The following RUBCN variants were observed in gnomAD, a reference collection of about 807,000 sequenced individuals.
RUBCN encodes the protein run domain Beclin-1-interacting and cysteine-rich domain-containing protein.
Under a neutral mutation model 113.2 loss-of-function variants are expected in RUBCN, and 74 were observed. The observed-to-expected ratio is 0.65, with a 90% CI of 0.54 to 0.79. The LOEUF (loss-of-function observed/expected upper bound fraction) is 0.79, where lower values mean the gene tolerates loss of function less well. Among genes scored for constraint, RUBCN ranks in the 30% least tolerant of loss-of-function variants. The probability of loss-of-function intolerance (pLI) is 0.00; values close to 1 mark genes in which losing one functional copy is unlikely to be tolerated. For synonymous variants in RUBCN, 480 were observed against 490.0 expected (o/e 0.98, Z 0.27); for missense variants, 1,109 against 1,251.7 (o/e 0.89, Z 1.72).
rs752681485 is a variant in RUBCN, at chr3:197,684,223, T to A, written c.1787-6A>T. On this transcript the variant is annotated splice_polypyrimidine_tract_variant and splice_region_variant and intron_variant, in intron 11 of 19. Transcript: ENST00000296343. ...GTTCCTTCTGATGTCAGCATCTACA[T>A]GGAAACCAGAGATAAGGGGAGCGCA... 4 of 1,612,714 alleles carry A rather than the reference T, an allele frequency of 2.5e-6. No homozygotes were observed. Among genetic ancestry groups the A allele is most frequent in the African/African-American group, 1.3e-5 (1 of 74,866 alleles).
chr3:197,748,814 A>T (rs1481090972), intron 1 of RUBCN, among the ~76,000 whole-genome samples: 1 of 152,260 alleles, frequency 6.6e-6, no homozygotes, highest in African/African-American at 2.4e-5. Flanking sequence ...AAAAATAGTA[A>T]ATGTGTCATT....
intron 2 of RUBCN, among the ~76,000 whole-genome samples, chr3:197,716,343 G>C (rs1560454551): frequency 6.6e-6 from 1 of 152,190 alleles, no homozygotes; most frequent in Non-Finnish European, 1.5e-5. Context: ...GGCCAGGCTG[G>C]TCTTAAACTG....
At position 197,675,435 on chromosome 3, in the gene RUBCN, G is replaced by A. The variant is rs766484533; in HGVS notation, c.2727C>T (p.Cys909=). 2 of 1,613,530 alleles carry A rather than the reference G, an allele frequency of 1.2e-6. No individual in the cohort carries two copies. The highest frequency in any genetic ancestry group is 2.2e-5 in the East Asian group (1 of 44,892). Residue 909 remains cysteine, a synonymous_variant, in exon 19 of 20, where the codon TGC becomes TGT. Transcript: ENST00000296343. The surrounding 1 kb of genome is among the most constrained non-coding windows in gnomAD (Gnocchi z 4.4). ...ACCTGCCCTCACCTTCACAGGTCCG[G>A]CACTTATGGAGCTCAAAGGGAAAGA... The part of the protein sequence containing the change: ...DIIFPFELHK[C]RTCEECKACY...
chr3:197,713,104 C>T (rs936371322), intron 2 of RUBCN, among the ~76,000 whole-genome samples: 1 of 152,172 alleles, frequency 6.6e-6, no homozygotes, highest in African/African-American at 2.4e-5. Flanking sequence ...GGTGATCTGC[C>T]CGCCTCAGTC....
At chr3:197,731,936 A>T (rs1727549994) in intron 1 of RUBCN, among the ~76,000 whole-genome samples, 1 of 152,260 alleles carries the variant, frequency 6.6e-6, no homozygotes, top group Non-Finnish European at 1.5e-5. Context: ...TCAAAAGAAA[A>T]ATTAGGAACA....
At chr3:197,730,950 C>CATCT (rs1446088210) in intron 1 of RUBCN, among the ~76,000 whole-genome samples, 52 of 119,248 alleles carry the variant, frequency 4.4e-4, no homozygotes, top group African/African-American at 1.6e-3. Flanking sequence ...CCTTAGTGAA[C>CATCT]ATCTGCTCAG....
chr3:197,703,439 C>T, intron 5 of RUBCN, 109 bp downstream of exon 5: 2 of 396,414 alleles, frequency 5.0e-6, no homozygotes, highest in Non-Finnish European at 9.4e-6. Flanking sequence ...AAAATGCAAG[C>T]CTTTCAGCTC....
chr3:197,703,046 A>AAGCCT (rs1430774742), intron 5 of RUBCN, among the ~76,000 whole-genome samples: 1 of 151,918 alleles, frequency 6.6e-6, no homozygotes, highest in Non-Finnish European at 1.5e-5. Flanking sequence ...CACACGACCT[A>AAGCCT]AGCCTAGACT....
chr3:197,686,647 A>G (rs1333472466), intron 11 of RUBCN, among the ~76,000 whole-genome samples: 2 of 152,224 alleles, frequency 1.3e-5, no homozygotes, highest in African/African-American at 4.8e-5. Flanking sequence ...AGAACTGAGG[A>G]GTGAAGAGAG....
At chr3:197,679,146 G>A (rs1283383386) in intron 16 of RUBCN, among the ~76,000 whole-genome samples, 2 of 147,672 alleles carry the variant, frequency 1.4e-5, no homozygotes, top group Non-Finnish European at 1.5e-5. Context: ...GCTTCAGACT[G>A]TCCTATGCTC....
intron 11 of RUBCN, among the ~76,000 whole-genome samples, chr3:197,687,558 C>T (rs1721987141): frequency 6.6e-6 from 1 of 152,204 alleles, no homozygotes; most frequent in Non-Finnish European, 1.5e-5. Flanking sequence ...AGGGGTTTCT[C>T]CGGCTGGCTC....
intron 2 of RUBCN, among the ~76,000 whole-genome samples, chr3:197,715,290 G>GAAAAAAA (rs35511002): frequency 8.8e-5 from 9 of 102,750 alleles, no homozygotes; most frequent in East Asian, 4.5e-4. Context: ...ACTCTATCTT[G>GAAAAAAA]AAAAAAAAAA....
At chr3:197,698,829 C>CA (rs113975138) in intron 7 of RUBCN, among the ~76,000 whole-genome samples, 1,582 of 31,010 alleles carry the variant, frequency 0.051, 47 homozygotes, top group African/African-American at 0.097. Flanking sequence ...CCTGTCTCTA[C>CA]AAAAAAAAAA....
chr3:197,677,945 C>T (rs1184525969), intron 16 of RUBCN, among the ~76,000 whole-genome samples: 6 of 140,350 alleles, frequency 4.3e-5, no homozygotes, highest in African/African-American at 1.1e-4. Context: ...GACTGTCCTA[C>T]GCTCTAACTC....
At chr3:197,691,013 G>A in intron 11 of RUBCN, 1 of 903,874 alleles carries the variant, frequency 1.1e-6, no homozygotes, top group Non-Finnish European at 1.6e-6. Flanking sequence ...ATATACGAAA[G>A]CTGGTGCAAC....
At chr3:197,748,850 C>T (rs1460018446) in intron 1 of RUBCN, among the ~76,000 whole-genome samples, 1 of 152,220 alleles carries the variant, frequency 6.6e-6, no homozygotes, top group Non-Finnish European at 1.5e-5. Context: ...AGCCACATGA[C>T]ATTGTGACAT....
At chr3:197,682,329 G>A (rs949198372) in intron 14 of RUBCN, 141 bp downstream of exon 14, 19 of 992,304 alleles carry the variant, frequency 1.9e-5, no homozygotes, top group South Asian at 1.2e-4. Context: ...CCAAATGGAC[G>A]ACGCCCCCCC....
intron 16 of RUBCN, among the ~76,000 whole-genome samples, chr3:197,678,156 T>TCTGA (rs56963519): frequency 0.19 from 23,002 of 122,448 alleles, 4,246 homozygotes; most frequent in African/African-American, 0.52. Flanking sequence ...TGTCCCACAC[T>TCTGA]CTGACAGCTG....
chr3:197,727,372 GAAT>G (rs1726881002), intron 1 of RUBCN, among the ~76,000 whole-genome samples: 1 of 152,184 alleles, frequency 6.6e-6, no homozygotes, highest in Admixed American at 6.5e-5. Flanking sequence ...ATAGAGCAGA[GAAT>G]AATATTCTCT....
Sources: gnomAD v4.1 joint callset for allele counts (sites outside exome capture counted in the v4.1 genomes callset) on GRCh38, gnomAD v4.1.1 for gene constraint, Gnocchi (gnomAD v3.1) non-coding constraint, MANE v1.5 for transcripts, NCBI Gene and HGNC (gene_info 2026-07-23, HGNC 2026-07-21) for gene names.